Variants in AGBL4 observed in about 807,000 individuals in gnomAD.
AGBL4 encodes AGBL carboxypeptidase 4, also known as cytosolic carboxypeptidase 6.
Under a neutral mutation model 66.4 loss-of-function variants are expected in AGBL4, and 58 were observed. That is an observed-to-expected ratio of 0.87 (90% CI 0.71 to 1.09). The LOEUF is 1.09. Ranked by LOEUF, AGBL4 falls within the 50% of genes least tolerant of loss-of-function variation. The probability of loss-of-function intolerance (pLI) is 0.00; values close to 1 mark genes in which losing one functional copy is unlikely to be tolerated. For synonymous variants in AGBL4, 234 were observed against 222.9 expected (o/e 1.05, Z -0.44); for missense variants, 579 against 631.0 (o/e 0.92, Z 0.88).
At chr1:48,668,100 C>G (rs1309391443) in intron 6 of AGBL4, among the ~76,000 whole-genome samples, 1 of 152,014 alleles carries the variant, frequency 6.6e-6, no homozygotes, top group African/African-American at 2.4e-5. Flanking sequence ...CAAGAAAATG[C>G]CCTACTATGG....
intron 4 of AGBL4, among the ~76,000 whole-genome samples, chr1:49,172,780 G>T (rs1208950758): frequency 6.6e-6 from 1 of 152,134 alleles, no homozygotes; most frequent in African/African-American, 2.4e-5. Context: ...GTAGCAACAG[G>T]GAAGCATGGT....
chr1:48,530,880 T>G (rs1197543726), downstream of AGBL4, among the ~76,000 whole-genome samples: 1 of 152,182 alleles, frequency 6.6e-6, no homozygotes, highest in East Asian at 1.9e-4. Context: ...GGCTCTAATC[T>G]GAGACAGACC....
chr1:49,130,968 A>G (rs796740337), intron 4 of AGBL4, among the ~76,000 whole-genome samples: 5 of 152,292 alleles, frequency 3.3e-5, no homozygotes, highest in African/African-American at 1.2e-4. Context: ...TTGTACATAA[A>G]CATTCATAGT....
At chr1:49,941,288 C>T (rs1233028543) in intron 1 of AGBL4, among the ~76,000 whole-genome samples, 1 of 152,104 alleles carries the variant, frequency 6.6e-6, no homozygotes, top group East Asian at 1.9e-4. Context: ...CTCAGTCTTC[C>T]CAAAAACTTC....
chr1:48,854,290 T>A (rs1047054145), intron 6 of AGBL4, among the ~76,000 whole-genome samples: 1 of 152,208 alleles, frequency 6.6e-6, no homozygotes, highest in South Asian at 2.1e-4. Flanking sequence ...CTGTTAATCA[T>A]AGCTCCTAGA....
chr1:49,711,644 G>A (rs539726328), intron 2 of AGBL4, among the ~76,000 whole-genome samples: 11 of 151,988 alleles, frequency 7.2e-5, no homozygotes, highest in African/African-American at 1.4e-4. Context: ...TGATTGTGGC[G>A]ACAGTTTCCT....
intron 3 of AGBL4, among the ~76,000 whole-genome samples, chr1:49,563,477 C>G (rs531152405): frequency 6.6e-6 from 1 of 152,186 alleles, no homozygotes; most frequent in African/African-American, 2.4e-5. Context: ...TTTTGAGATA[C>G]GTCCCATCAG....
At chr1:49,519,139 T>C (rs1191621012) in intron 3 of AGBL4, among the ~76,000 whole-genome samples, 1 of 152,108 alleles carries the variant, frequency 6.6e-6, no homozygotes, top group Non-Finnish European at 1.5e-5. Context: ...TGATATGCCA[T>C]AGAAGATAGA....
intron 1 of AGBL4, among the ~76,000 whole-genome samples, chr1:49,973,272 C>T (rs1363821399): frequency 6.6e-6 from 1 of 152,156 alleles, no homozygotes; most frequent in Non-Finnish European, 1.5e-5. Flanking sequence ...TGTAACAGGT[C>T]AGCTAATAAA....
intron 6 of AGBL4, among the ~76,000 whole-genome samples, chr1:48,814,671 G>A (rs1570735961): frequency 7.4e-6 from 1 of 135,418 alleles, no homozygotes; most frequent in African/African-American, 2.8e-5. Flanking sequence ...TTAACTTTCT[G>A]TTCCCGGCTT....
Position 49,800,388 on chromosome 1 carries a change from A to G in AGBL4, c.157+51008T>C, listed in dbSNP as rs183543063. 2.3e-5 allele frequency among the ~76,000 whole-genome samples: 3 copies of G among 132,804 alleles called. No individual in the cohort carries two copies. The Admixed American group carries it at 2.3e-4, about 10-fold the overall frequency. 87.1% of individuals were successfully genotyped at this position (132,804 alleles called of 152,430 possible). A position where few individuals can be genotyped will look rare whatever the true frequency, so the allele number is the denominator to read the frequency against. ...ATTTTCTTTTTTTTTATTATACTTT[A>G]AGTTTTAGGGTACATGTGCACATTG... On this transcript the variant is annotated intron_variant, in intron 2 of 13. Transcript: ENST00000371839.
chr1:49,531,409 G>T (rs894985289), intron 3 of AGBL4, among the ~76,000 whole-genome samples: 1 of 152,092 alleles, frequency 6.6e-6, no homozygotes, highest in Admixed American at 6.6e-5. Context: ...CTGAAAGAAT[G>T]ACAGAGGAAA....
chr1:49,573,617 G>C (rs1338005253), intron 3 of AGBL4, among the ~76,000 whole-genome samples: 3 of 152,150 alleles, frequency 2.0e-5, no homozygotes, highest in Non-Finnish European at 4.4e-5. Context: ...CAGGTACTGA[G>C]CCTCAAATCT....
At chr1:49,908,566 G>A (rs1448101783) in intron 1 of AGBL4, among the ~76,000 whole-genome samples, 2 of 152,144 alleles carry the variant, frequency 1.3e-5, no homozygotes, top group Non-Finnish European at 1.5e-5. Flanking sequence ...CTGCAGAACC[G>A]TGAGCCAATT....
intron 5 of AGBL4, among the ~76,000 whole-genome samples, chr1:48,922,223 T>G (rs1353956268): frequency 6.6e-6 from 1 of 152,202 alleles, no homozygotes; most frequent in African/African-American, 2.4e-5. Context: ...ACTAATGATT[T>G]ATTTATTAAG....
chr1:49,282,134 T>G (rs1570323592), intron 3 of AGBL4, among the ~76,000 whole-genome samples: 1 of 152,162 alleles, frequency 6.6e-6, no homozygotes, highest in Non-Finnish European at 1.5e-5. Context: ...GGAGAATTGC[T>G]TGGTGTGTGT....
chr1:49,290,897 C>T (rs929073924), intron 3 of AGBL4, among the ~76,000 whole-genome samples: 1 of 152,174 alleles, frequency 6.6e-6, no homozygotes, highest in Non-Finnish European at 1.5e-5. Flanking sequence ...GCAGTCCCAG[C>T]TGCTTTGGTG....
chr1:48,942,567 A>G (rs1036654693), intron 5 of AGBL4, among the ~76,000 whole-genome samples: 1 of 151,974 alleles, frequency 6.6e-6, no homozygotes, highest in Non-Finnish European at 1.5e-5. Context: ...TGTCAGCTCT[A>G]CTCCCCATAT....
chr1:49,059,649 C>T (rs1287905172), intron 4 of AGBL4, among the ~76,000 whole-genome samples: 1 of 152,184 alleles, frequency 6.6e-6, no homozygotes. Flanking sequence ...ACAATGCCAG[C>T]CTGTTAAAGC....
Sources: gnomAD v4.1 joint callset for allele counts (sites outside exome capture counted in the v4.1 genomes callset) on GRCh38, gnomAD v4.1.1 for gene constraint, MANE v1.5 for transcripts, NCBI Gene and HGNC (gene_info 2026-07-23, HGNC 2026-07-21) for gene names.